STAC: variants seen among roughly 807,000 people sequenced by gnomAD.
STAC encodes the protein SH3 and cysteine-rich domain-containing protein.
Under a neutral mutation model 48.8 loss-of-function variants are expected in STAC, and 43 were observed. The observed-to-expected ratio is 0.88, with a 90% CI of 0.69 to 1.14. The LOEUF is 1.14. STAC is among the 50% of genes most tolerant of loss of function. STAC has a pLI of 0.00. For synonymous variants in STAC, 193 were observed against 179.5 expected (o/e 1.07, Z -0.60); for missense variants, 497 against 504.0 (o/e 0.99, Z 0.13).
chr3:36,422,053 C>A (rs1279884015), intron 1 of STAC, among the ~76,000 whole-genome samples: 1 of 151,952 alleles, frequency 6.6e-6, no homozygotes, highest in Non-Finnish European at 1.5e-5. Flanking sequence ...GTGTTATGAT[C>A]CTGACTTCAT....
intron 6 of STAC, among the ~76,000 whole-genome samples, chr3:36,494,151 C>CAA (rs751587518): frequency 0.012 from 660 of 55,654 alleles, 11 homozygotes; most frequent in African/African-American, 0.033. Context: ...GACTCCGTCT[C>CAA]AAAAAAAAAA....
At chr3:36,389,556 C>T (rs967195110) in intron 1 of STAC, among the ~76,000 whole-genome samples, 4 of 152,150 alleles carry the variant, frequency 2.6e-5, no homozygotes, top group African/African-American at 9.7e-5. Flanking sequence ...CTCTGACTTA[C>T]TATTATGAAT....
chr3:36,508,200 G>T (rs1698451292), intron 8 of STAC, among the ~76,000 whole-genome samples: 1 of 152,144 alleles, frequency 6.6e-6, no homozygotes, highest in African/African-American at 2.4e-5. Context: ...TCAGGAGCAG[G>T]TTGTTCAGTT....
At chr3:36,457,142 C>A (rs567608933) in intron 2 of STAC, among the ~76,000 whole-genome samples, 32 of 152,060 alleles carry the variant, frequency 2.1e-4, no homozygotes, top group Non-Finnish European at 3.8e-4. Flanking sequence ...TGTTCAGTGC[C>A]CCTAACAGTC....
chr3:36,426,251 G>A (rs574829588), intron 1 of STAC, among the ~76,000 whole-genome samples: 82 of 152,148 alleles, frequency 5.4e-4, no homozygotes, highest in African/African-American at 1.9e-3. Context: ...TAATTATTAG[G>A]AGGAAGCAAA....
Position 36,486,210 on chromosome 3 carries a change from C to A in STAC, c.648C>A (p.Gly216=). The A allele has an allele frequency of 1.2e-6, 2 of 1,613,996 alleles. No individual in the cohort carries two copies. Among genetic ancestry groups the A allele is most frequent in the Non-Finnish European group, 1.7e-6 (2 of 1,179,950 alleles). ...CCCTGGCCCAGAGGACAAAGAAGGGCAGCTCCGGCAGTGGCTCTGACTCAC... is the reference window on the plus strand; with the variant it reads ...CCCTGGCCCAGAGGACAAAGAAGGGAAGCTCCGGCAGTGGCTCTGACTCAC... ...GTSLAQRTKK[G]SSGSGSDSPH... The change falls in exon 5 of 11, where the codon GGC becomes GGA. Residue 216 remains glycine, a synonymous_variant. Coordinates refer to ENST00000273183, the MANE Select transcript of STAC (RefSeq NM_003149.3).
At chr3:36,462,140 T>C (rs558378180) in intron 2 of STAC, among the ~76,000 whole-genome samples, 30 of 152,256 alleles carry the variant, frequency 2.0e-4, no homozygotes, top group African/African-American at 7.2e-4. Flanking sequence ...TTTCTACATG[T>C]TGGCTGTATG....
intron 10 of STAC, among the ~76,000 whole-genome samples, chr3:36,538,653 A>C (rs1457980776): frequency 6.6e-6 from 1 of 152,208 alleles, no homozygotes; most frequent in African/African-American, 2.4e-5. Flanking sequence ...CCAGATCATC[A>C]CATGCTTGCA....
intron 6 of STAC, among the ~76,000 whole-genome samples, chr3:36,496,075 T>C (rs577068097): frequency 5.2e-4 from 79 of 152,346 alleles, no homozygotes; most frequent in African/African-American, 1.9e-3. Flanking sequence ...AGACATCAAG[T>C]TGACAATTTT....
rs773477261 is a variant in STAC at position 36,380,759 on chromosome 3, C to G, written c.111+5C>G. 51 of 1,605,302 alleles carry G rather than the reference C, an allele frequency of 3.2e-5. No individual in the cohort carries two copies. Among genetic ancestry groups the G allele is most frequent in the Non-Finnish European group, 4.2e-5 (49 of 1,174,764 alleles). ...ACCAGCAGCCAGGAATCCAAGGTAC[C>G]GAGCACGCTTGCCCCCAAGAGAACA... is the stretch of plus-strand genomic sequence containing the variant. On this transcript the variant is annotated splice_donor_5th_base_variant and intron_variant, in intron 1 of 10. Transcript: ENST00000273183.
chr3:36,471,875 G>A (rs949403324), intron 2 of STAC, among the ~76,000 whole-genome samples: 1 of 152,206 alleles, frequency 6.6e-6, no homozygotes, highest in African/African-American at 2.4e-5. Context: ...CACGGTGCAA[G>A]CTGTCAGTGG....
intron 1 of STAC, among the ~76,000 whole-genome samples, chr3:36,386,195 T>C (rs1405197375): frequency 1.3e-5 from 2 of 152,072 alleles, no homozygotes; most frequent in Non-Finnish European, 2.9e-5. Flanking sequence ...GGTATTGCAA[T>C]GTGGTTTTAA....
At chr3:36,490,696 A>G (rs1430150990) in intron 5 of STAC, among the ~76,000 whole-genome samples, 3 of 152,148 alleles carry the variant, frequency 2.0e-5, no homozygotes, top group African/African-American at 4.8e-5. Flanking sequence ...ACCTCCTTGG[A>G]AACATTCCAT....
In STAC at chr3:36,508,414, G is replaced by T. The variant is rs145576782; in HGVS notation, c.920+2580G>T. Among the ~76,000 whole-genome samples, 742 of 152,280 alleles carry T rather than the reference G, an allele frequency of 4.9e-3. 6 individuals are homozygous for T. The highest frequency in any genetic ancestry group is 0.017 in the African/African-American group (706 of 41,554). ...GTATTCTGTTGATTGGGGGTTGAGAGTTCTGTAGATGTCTATTAGGTCTGC... is the reference window on the plus strand; with the variant it reads ...GTATTCTGTTGATTGGGGGTTGAGATTTCTGTAGATGTCTATTAGGTCTGC... On this transcript the variant is annotated intron_variant, in intron 8 of 10. Coordinates refer to ENST00000273183, the MANE Select transcript of STAC (RefSeq NM_003149.3).
chr3:36,437,181 C>T (rs1452274986), intron 1 of STAC, among the ~76,000 whole-genome samples: 1 of 150,968 alleles, frequency 6.6e-6, no homozygotes, highest in African/African-American at 2.4e-5. Flanking sequence ...GTTGGTGGGA[C>T]TGTAAACTAG....
intron 2 of STAC, among the ~76,000 whole-genome samples, chr3:36,447,776 A>G (rs993985262): frequency 6.6e-6 from 1 of 152,204 alleles, no homozygotes; most frequent in Admixed American, 6.5e-5. Context: ...GGAATATTAA[A>G]AAGTAAATGT....
At chr3:36,467,072 A>C (rs1252712531) in intron 2 of STAC, among the ~76,000 whole-genome samples, 2 of 151,938 alleles carry the variant, frequency 1.3e-5, no homozygotes, top group East Asian at 1.9e-4. Context: ...GGATTTTGTC[A>C]AATGCATTTT....
At chr3:36,523,110 C>A (rs11711958) in intron 8 of STAC, among the ~76,000 whole-genome samples, 1 of 152,122 alleles carries the variant, frequency 6.6e-6, no homozygotes, top group Admixed American at 6.5e-5. Flanking sequence ...TTGGTTCTCA[C>A]GCACATGTGT....
chr3:36,546,340 T>C lies in STAC; in HGVS notation c.*51T>C. 1 of 1,509,256 alleles carries C rather than the reference T, an allele frequency of 6.6e-7. No homozygotes were observed. The highest frequency in any genetic ancestry group is 9.2e-7 in the Non-Finnish European group (1 of 1,084,650). The allele number at this position is 1,509,256 out of a possible 1,614,324, so 93.5% of individuals were successfully genotyped here. The stretch of plus-strand genomic sequence containing the variant: ...TAGGCAAGCTCTGCTGCGATGCCTC[T>C]GCCTCATCTCACACTGCGTCAACCC... On this transcript the variant is annotated 3_prime_UTR_variant, in exon 11 of 11. Coordinates refer to ENST00000273183, the MANE Select transcript of STAC (RefSeq NM_003149.3).
Sources: gnomAD v4.1 joint callset for allele counts (sites outside exome capture counted in the v4.1 genomes callset) on GRCh38, gnomAD v4.1.1 for gene constraint, MANE v1.5 for transcripts, NCBI Gene and HGNC (gene_info 2026-07-23, HGNC 2026-07-21) for gene names.